Variants in TPD52 observed in about 807,000 individuals in gnomAD.
The protein encoded by TPD52 is tumor protein D52, also known as prostate and colon associated protein.
A neutral mutation model predicts 31.3 loss-of-function variants in TPD52; 17 were observed. That is an observed-to-expected ratio of 0.54 (90% CI 0.37 to 0.82). The LOEUF (loss-of-function observed/expected upper bound fraction) is 0.82. TPD52 is among the 40% of genes least tolerant of loss of function. TPD52 has a pLI of 0.00. For synonymous variants in TPD52, 83 were observed against 89.6 expected (o/e 0.93, Z 0.42); for missense variants, 212 against 240.1 (o/e 0.88, Z 0.77).
downstream of TPD52, among the ~76,000 whole-genome samples, chr8:80,034,474 G>A (rs1809780210): frequency 6.6e-6 from 1 of 152,202 alleles, no homozygotes; most frequent in South Asian, 2.1e-4. Flanking sequence ...GCTGCTCAAG[G>A]AGGGCCACCA....
chr8:80,062,278 A>AT (rs911739860), intron 2 of TPD52, among the ~76,000 whole-genome samples: 3 of 152,042 alleles, frequency 2.0e-5, no homozygotes, highest in Non-Finnish European at 2.9e-5. Context: ...TGGTTAACTG[A>AT]TTTTTTTTCT....
At chr8:80,154,102 A>G (rs1301586263) in intron 1 of TPD52, among the ~76,000 whole-genome samples, 1 of 152,244 alleles carries the variant, frequency 6.6e-6, no homozygotes, top group Non-Finnish European at 1.5e-5. Context: ...CACTGCACAA[A>G]ATAAGGTTAT....
intron 1 of TPD52, among the ~76,000 whole-genome samples, chr8:80,162,114 A>C (rs762751149): frequency 3.5e-4 from 53 of 152,210 alleles, no homozygotes; most frequent in Non-Finnish European, 7.1e-4. Context: ...AGGCATGTAA[A>C]TTAATAGCCT....
intron 1 of TPD52, among the ~76,000 whole-genome samples, chr8:80,075,156 T>A (rs1389111153): frequency 1.3e-5 from 2 of 152,034 alleles, no homozygotes; most frequent in African/African-American, 4.8e-5. Flanking sequence ...ATTTTTCGTA[T>A]TTTAGTAGAG....
chr8:80,105,928 C>T (rs1324405434), intron 1 of TPD52, among the ~76,000 whole-genome samples: 1 of 151,996 alleles, frequency 6.6e-6, no homozygotes. Flanking sequence ...GGTGGGGTTT[C>T]GCCATGTACC....
At chr8:80,051,737 A>G (rs1163354950) in intron 3 of TPD52, 109 bp from the exon 4 acceptor site, 3 of 862,478 alleles carry the variant, frequency 3.5e-6, no homozygotes, top group African/African-American at 1.7e-5. Context: ...TCTCAAAAAG[A>G]GAAAACATTT....
intron 1 of TPD52, among the ~76,000 whole-genome samples, chr8:80,137,286 T>C (rs917340241): frequency 6.6e-6 from 1 of 152,240 alleles, no homozygotes; most frequent in South Asian, 2.1e-4. Context: ...TGCACAACTC[T>C]GTAAGTTTAC....
chr8:80,104,372 T>C (rs548301517), intron 1 of TPD52, among the ~76,000 whole-genome samples: 4 of 152,194 alleles, frequency 2.6e-5, no homozygotes, highest in Admixed American at 2.6e-4. Flanking sequence ...TTTAGAATTT[T>C]AGTGGCTACA....
intron 7 of TPD52, chr8:80,042,151 G>C: frequency 1.0e-6 from 1 of 978,554 alleles, no homozygotes; most frequent in Non-Finnish European, 1.2e-6. Flanking sequence ...AATACTTACT[G>C]ATACAGGAAA....
chr8:80,134,106 T>C lies in TPD52; in HGVS notation c.19+37319A>G, dbSNP rs1335810361. 2.0e-5 allele frequency among the ~76,000 whole-genome samples: 3 copies of C among 152,354 alleles called. No homozygotes were observed. In the East Asian group the frequency reaches 5.8e-4, roughly 29 times the overall value. On this transcript the variant is annotated intron_variant, in intron 1 of 7. Transcript: ENST00000518937. ...CAGCTTAGGAGCAGTAGTTATTTCA[T>C]TTATCAATTAATTTTCTTTAGTGCC...
intron 1 of TPD52, among the ~76,000 whole-genome samples, chr8:80,094,466 A>ATATATG (rs1563621514): frequency 9.5e-6 from 1 of 105,620 alleles, no homozygotes; most frequent in Non-Finnish European, 1.9e-5. Flanking sequence ...ATATATATAT[A>ATATATG]TATATATATA....
chr8:80,051,023 C>T (rs952334682), intron 4 of TPD52, among the ~76,000 whole-genome samples: 1 of 146,698 alleles, frequency 6.8e-6, no homozygotes, highest in African/African-American at 2.5e-5. Context: ...AAAGCAACAA[C>T]TCAAAATCAA....
chr8:80,165,199 T>C (rs964116664), intron 1 of TPD52, among the ~76,000 whole-genome samples: 1 of 151,988 alleles, frequency 6.6e-6, no homozygotes, highest in Non-Finnish European at 1.5e-5. Context: ...CAAGCAACAA[T>C]GGAAAAGTGT....
At chr8:80,156,243 C>T (rs1296728510) in intron 1 of TPD52, among the ~76,000 whole-genome samples, 1 of 152,180 alleles carries the variant, frequency 6.6e-6, no homozygotes, top group African/African-American at 2.4e-5. Context: ...CTCTGTCTGC[C>T]TGGCCTCCAG....
intron 1 of TPD52, among the ~76,000 whole-genome samples, chr8:80,116,558 C>T (rs1316381279): frequency 6.6e-6 from 1 of 151,014 alleles, no homozygotes; most frequent in African/African-American, 2.4e-5. Flanking sequence ...GTGAATTCTA[C>T]CAAATATTTA....
intron 1 of TPD52, among the ~76,000 whole-genome samples, chr8:80,082,681 C>G (rs1461933213): frequency 6.6e-6 from 1 of 152,206 alleles, no homozygotes; most frequent in Admixed American, 6.5e-5. Context: ...GTCTCTGGCC[C>G]CCTCTTCTCC....
intron 1 of TPD52, among the ~76,000 whole-genome samples, chr8:80,156,193 C>G (rs961591707): frequency 1.3e-5 from 2 of 152,180 alleles, no homozygotes; most frequent in African/African-American, 4.8e-5. Context: ...GGGCTACTGA[C>G]ACCAGGAAGA....
chr8:80,139,719 T>C (rs886240025), intron 1 of TPD52, among the ~76,000 whole-genome samples: 44 of 152,204 alleles, frequency 2.9e-4, no homozygotes, highest in African/African-American at 1.0e-3. Context: ...TACTGCATTA[T>C]ACACTTAAAA....
intron 1 of TPD52, among the ~76,000 whole-genome samples, chr8:80,097,527 ATC>A (rs907079216): frequency 9.9e-5 from 15 of 152,088 alleles, no homozygotes; most frequent in Non-Finnish European, 1.8e-4. Flanking sequence ...TTCTCAAGAG[ATC>A]TGATTGTTTA....
Sources: gnomAD v4.1 joint callset for allele counts (sites outside exome capture counted in the v4.1 genomes callset) on GRCh38, gnomAD v4.1.1 for gene constraint, MANE v1.5 for transcripts, NCBI Gene and HGNC (gene_info 2026-07-23, HGNC 2026-07-21) for gene names.